Variants in SF3B3 observed in about 807,000 individuals in gnomAD.
The protein encoded by SF3B3 is splicing factor 3b subunit 3.
A neutral mutation model predicts 139.2 loss-of-function variants in SF3B3; 33 were observed. The ratio of observed to expected loss-of-function variants is 0.24; its 90% CI spans 0.18 to 0.32. The LOEUF (loss-of-function observed/expected upper bound fraction) is 0.32. Among genes scored for constraint, SF3B3 ranks in the 10% least tolerant of loss-of-function variants. SF3B3 has a pLI of 1.00. For synonymous variants in SF3B3, 596 were observed against 563.6 expected (o/e 1.06, Z -0.81); for missense variants, 818 against 1,509.4 (o/e 0.54, Z 7.59).
At position 70,529,027 on chromosome 16, in the gene SF3B3, A is replaced by T; in HGVS notation, c.225A>T (p.Lys75Asn). Residue 75 changes from lysine to asparagine, a missense_variant, in exon 3 of 26, where the codon AAA (lysine) becomes AAT (asparagine). Transcript: ENST00000302516. ...CCTTTAGGCTGACAGGTGGCACCAA[A>T]GACTACATTGTAGTTGGCAGTGACT... ...LMAFRLTGGTKDYIVVGSDSG... is the reference protein window; with the variant it reads ...LMAFRLTGGTNDYIVVGSDSG... 6.2e-7 allele frequency: 1 copy of T among 1,614,212 alleles called. No individual in the cohort carries two copies. The highest frequency in any genetic ancestry group is 8.5e-7 in the Non-Finnish European group (1 of 1,180,044).
Position 70,560,499 on chromosome 16 carries a change from C to T in SF3B3, c.2041C>T (p.Pro681Ser). ...TGTGCTGCTGAGGACTGTCTTGGAC[C>T]CTGTCACTGGGGATTTGTCTGATAC... ...NGVLLRTVLD[P>S]VTGDLSDTRT... The change falls in exon 16 of 26, where the codon CCT becomes TCT. Residue 681 changes from proline to serine, a missense_variant. Around this residue, in one of 14 missense-constraint regions of SF3B3, gnomAD observed 170 missense variants for 353.0 expected, o/e 0.48. Coordinates refer to ENST00000302516, the MANE Select transcript of SF3B3 (RefSeq NM_012426.5). The T allele has an allele frequency of 6.2e-7, 1 of 1,613,870 alleles. No individual in the cohort carries two copies. The highest frequency in any genetic ancestry group is 1.1e-5 in the South Asian group (1 of 91,072).
rs764995855 is a variant in SF3B3, at chr16:70,539,117, G to A, written c.977G>A (p.Arg326Gln). Residue 326 changes from arginine (R) to glutamine (Q), a missense_variant, in exon 8 of 26, where the codon CGG becomes CAG. Physicochemically the swap from Arg to Gln is conservative, Grantham distance 43. This residue lies in a region of SF3B3 where 80 missense variants were observed against 206.5 expected (regional missense o/e 0.39). Transcript: ENST00000302516. Reference protein sequence around the residue: ...ETDEDMVTEIRLKYFDTVPVA... With the variant: ...ETDEDMVTEIQLKYFDTVPVA... ...TTTTCTCACCAGGTTACTGAGATCC[G>A]GCTCAAATATTTTGATACTGTACCC... The A allele has an allele frequency of 1.2e-6, 2 of 1,613,644 alleles. No homozygotes were observed. The highest frequency in any genetic ancestry group is 2.2e-5 in the East Asian group (1 of 44,882).
chr16:70,530,331 TC>T (rs140429191), intron 3 of SF3B3, among the ~76,000 whole-genome samples: 16,718 of 147,740 alleles, frequency 0.11, 3,269 homozygotes, highest in African/African-American at 0.4. Flanking sequence ...TTTTTTTTTT[TC>T]AAATGAGGCA....
chr16:70,571,338 C>T (rs2151796401), intron 25 of SF3B3, 139 bp downstream of exon 25: 1 of 649,236 alleles, frequency 1.5e-6, no homozygotes. Flanking sequence ...CCTGCTTCTG[C>T]CAATCTGAAC....
intron 5 of SF3B3, among the ~76,000 whole-genome samples, chr16:70,532,886 C>T (rs1216493064): frequency 6.6e-6 from 1 of 152,172 alleles, no homozygotes; most frequent in South Asian, 2.1e-4. Context: ...ATATTGATTA[C>T]TGTTAGTTGC....
chr16:70,568,601 T>C, intron 22 of SF3B3, 106 bp downstream of exon 22: 2 of 830,548 alleles, frequency 2.4e-6, no homozygotes, highest in South Asian at 3.3e-5. Flanking sequence ...TAAAAATGGA[T>C]ATAAAATTCC....
chr16:70,555,895 A>G (rs1423041539), intron 13 of SF3B3, among the ~76,000 whole-genome samples: 2 of 152,220 alleles, frequency 1.3e-5, no homozygotes, highest in African/African-American at 4.8e-5. Flanking sequence ...TCCTGAGAAC[A>G]AAGTTGGCTC....
chr16:70,527,828 C>T (rs1597703554), intron 2 of SF3B3, among the ~76,000 whole-genome samples: 1 of 151,730 alleles, frequency 6.6e-6, no homozygotes, highest in South Asian at 2.1e-4. Flanking sequence ...CAGGCTGGAG[C>T]GCAGTGGTGT....
intron 6 of SF3B3, among the ~76,000 whole-genome samples, chr16:70,535,787 C>T (rs1335515770): frequency 6.6e-6 from 1 of 150,662 alleles, no homozygotes; most frequent in Non-Finnish European, 1.5e-5. Context: ...TTTGAAAATT[C>T]CAACATACAG....
intron 3 of SF3B3, among the ~76,000 whole-genome samples, chr16:70,529,910 A>G (rs2050103992): frequency 6.6e-6 from 1 of 151,838 alleles, no homozygotes. Context: ...AGGTGGGAGG[A>G]TCACTTGAGG....
Position 70,564,180 on chromosome 16 carries a change from G to A in SF3B3, c.2463+130G>A, listed in dbSNP as rs928616397. On this transcript the variant is annotated intron_variant, in intron 18 of 25. Coordinates refer to ENST00000302516, the MANE Select transcript of SF3B3 (RefSeq NM_012426.5). Reference sequence around the variant, plus strand: ...GAGGCCACTAGTTCGAGACCAGCCTGGGCAACATAGCAAAACTGCACCTCT... The same window carrying A: ...GAGGCCACTAGTTCGAGACCAGCCTAGGCAACATAGCAAAACTGCACCTCT... 6 of 856,056 alleles carry A rather than the reference G, an allele frequency of 7.0e-6. No homozygotes were observed. In the African/African-American group the frequency reaches 1.0e-4, roughly 15 times the overall value. The allele number at this position is 856,056 out of a possible 1,614,324, so 53.0% of individuals were successfully genotyped here. A position where few individuals can be genotyped will look rare whatever the true frequency, so the allele number is the denominator to read the frequency against.
Position 70,531,101 on chromosome 16 carries a change from C to T in SF3B3, c.570+184C>T, listed in dbSNP as rs945352042. Among the ~76,000 whole-genome samples, 3 of 152,098 alleles carry T rather than the reference C, an allele frequency of 2.0e-5. No individual in the cohort carries two copies. The South Asian group carries it at 6.2e-4, about 32-fold the overall frequency. On this transcript the variant is annotated intron_variant, in intron 4 of 25. Transcript: ENST00000302516. ...CTAACACAGTGAAACCCCATCTCTA[C>T]TAAAAATACAAAAAGAAAATAGCCG...
At chr16:70,566,113 CAA>C (rs112893145) in intron 20 of SF3B3, among the ~76,000 whole-genome samples, 9 of 117,680 alleles carry the variant, frequency 7.6e-5, no homozygotes, top group Non-Finnish European at 7.5e-5. Flanking sequence ...GTGAGACTGT[CAA>C]AAAAAAAAAA....
At position 70,555,340 on chromosome 16, in the gene SF3B3, T is replaced by C. The variant is rs2050369320; in HGVS notation, c.1710+134T>C. ...TAAAAATACAAAAATTAGCTGGGCGTGTTGGCATGCACCTTGTAGTCCTAG... is the reference window on the plus strand; with the variant it reads ...TAAAAATACAAAAATTAGCTGGGCGCGTTGGCATGCACCTTGTAGTCCTAG... On this transcript the variant is annotated intron_variant, in intron 13 of 25. Coordinates refer to ENST00000302516, the MANE Select transcript of SF3B3 (RefSeq NM_012426.5). 3.8e-6 allele frequency: 3 copies of C among 786,722 alleles called. No homozygotes were observed. In the East Asian group the frequency reaches 8.1e-5, roughly 21 times the overall value. 48.7% of individuals were successfully genotyped at this position (786,722 alleles called of 1,614,324 possible).
intron 17 of SF3B3, 55 bp downstream of exon 17, chr16:70,561,839 G>A (rs2050432062): frequency 3.3e-6 from 5 of 1,507,428 alleles, no homozygotes; most frequent in Middle Eastern, 2.0e-4. Flanking sequence ...CAAGGGCTCA[G>A]ACTGGTTCTG....
chr16:70,561,621 T>TC lies in SF3B3; in HGVS notation c.2134-5dup, dbSNP rs747072113. Reference sequence around the variant, plus strand: ...CCTTATTGGAGCTGGGTTTTTTTTTTCCCCTCAGGTATTGGCCATGTCAAG... The same window carrying TC: ...CCTTATTGGAGCTGGGTTTTTTTTTTCCCCCTCAGGTATTGGCCATGTCAAG... On this transcript the variant is annotated splice_polypyrimidine_tract_variant and intron_variant, in intron 16 of 25. Transcript: ENST00000302516. 1.7e-4 allele frequency: 273 copies of TC among 1,607,144 alleles called. No homozygotes were observed. In the African/African-American group the frequency reaches 3.1e-3, roughly 19 times the overall value.
At chr16:70,567,051 CA>C (rs112267243) in intron 20 of SF3B3, among the ~76,000 whole-genome samples, 12,845 of 119,344 alleles carry the variant, frequency 0.11, 1,710 homozygotes, top group African/African-American at 0.33. Context: ...GACCCTGTCT[CA>C]AAAAAAAAAA....
At chr16:70,548,884 A>G (rs4589546) in intron 11 of SF3B3, among the ~76,000 whole-genome samples, 27 of 152,356 alleles carry the variant, frequency 1.8e-4, no homozygotes, top group East Asian at 7.7e-4. Flanking sequence ...TTGTTAGTCA[A>G]TCTTGCTAGT....
intron 11 of SF3B3, among the ~76,000 whole-genome samples, chr16:70,549,704 T>C (rs940910476): frequency 1.3e-5 from 2 of 152,136 alleles, no homozygotes; most frequent in Non-Finnish European, 2.9e-5. Context: ...GGTGGGCGGA[T>C]CATCTGAGGT....
Sources: allele counts gnomAD v4.1 joint callset (sites outside exome capture counted in the v4.1 genomes callset), GRCh38; gene constraint gnomAD v4.1.1; regional missense constraint gnomAD v4.1.1; transcripts MANE v1.5; gene names NCBI Gene and HGNC (gene_info 2026-07-23, HGNC 2026-07-21).